VPS13B: variants seen among roughly 807,000 people sequenced by gnomAD.
VPS13B encodes the protein vacuolar protein sorting 13 homolog B.
In VPS13B, 285 loss-of-function variants were observed where a neutral mutation model predicts 426.4. That is an observed-to-expected ratio of 0.67 (90% confidence interval 0.61 to 0.74). The LOEUF (loss-of-function observed/expected upper bound fraction) is 0.74. Among genes scored for constraint, VPS13B ranks in the 30% least tolerant of loss-of-function variants. The pLI, the probability that VPS13B is intolerant of heterozygous loss-of-function variation, is 0.00. For synonymous variants in VPS13B, 1,676 were observed against 1,676.4 expected, an observed-to-expected ratio of 1.00 and a Z score of 0.01; for missense variants, 4,537 against 4,782.6, an observed-to-expected ratio of 0.95 and a Z score of 1.51.
At chr8:99,464,635 A>G (rs1047596215) in intron 23 of VPS13B, among the ~76,000 whole-genome samples, 2 of 152,186 alleles carry the variant, frequency 1.3e-5, no homozygotes, top group African/African-American at 4.8e-5. Context: ...GATACAATAT[A>G]AAGAAATCCC....
rs1563560582 is a variant in VPS13B, at chr8:99,135,122, G to A, written c.1410G>A (p.Met470Ile). The A allele has an allele frequency of 6.2e-7, 1 of 1,613,342 alleles. No homozygotes were observed. Among genetic ancestry groups the A allele is most frequent in the East Asian group, 2.2e-5 (1 of 44,830 alleles). ...GTGTTAAAGATTTTGAAGAGAATAT[G>A]AATAGAAGTGAAACTGTAAGTCCGT... ...IMGVKDFEEN[M>I]NRSETEACFF... Residue 470 changes from methionine to isoleucine, a missense_variant, in exon 10 of 62, where the codon ATG becomes ATA. Met to Ile is a conservative substitution (Grantham distance 10). Transcript: ENST00000357162.
chr8:99,543,773 A>T (rs949906245), intron 30 of VPS13B, among the ~76,000 whole-genome samples: 3 of 151,830 alleles, frequency 2.0e-5, no homozygotes, highest in Non-Finnish European at 4.4e-5. Flanking sequence ...ATACCATCTC[A>T]CACTAGTTAG....
intron 33 of VPS13B, among the ~76,000 whole-genome samples, chr8:99,617,886 C>G (rs1445801196): frequency 6.6e-6 from 1 of 152,188 alleles, no homozygotes; most frequent in Non-Finnish European, 1.5e-5. Context: ...TGTCCATTCC[C>G]TGTCCACTCC....
At chr8:99,242,428 T>C (rs191941973) in intron 17 of VPS13B, among the ~76,000 whole-genome samples, 4 of 152,382 alleles carry the variant, frequency 2.6e-5, no homozygotes, top group Admixed American at 6.5e-5. Context: ...AGAATGGTTA[T>C]ATTTGTTTTT....
chr8:99,724,891 A>C (rs1238939360), intron 39 of VPS13B, among the ~76,000 whole-genome samples: 1 of 152,294 alleles, frequency 6.6e-6, no homozygotes, highest in East Asian at 1.9e-4. Flanking sequence ...AGCCCGGCAT[A>C]AACTGCCCCC....
chr8:99,471,834 A>C (rs562018684), intron 24 of VPS13B, among the ~76,000 whole-genome samples: 1 of 152,238 alleles, frequency 6.6e-6, no homozygotes, highest in African/African-American at 2.4e-5. Context: ...AGCCTAGAGT[A>C]TTTACTCTCT....
Position 99,870,858 on chromosome 8 carries a change from G to C in VPS13B, c.11466G>C (p.Gln3822His). ...AGCCAAGTGATCTACATGCTGACCA[G>C]GCTCCAAACAGCCATGTCAAATATG... Reference protein sequence around the residue: ...RHQPSDLHADQAPNSHVKYVW... With the variant: ...RHQPSDLHADHAPNSHVKYVW... Residue 3822 changes from glutamine to histidine, a missense_variant, in exon 60 of 62, where the codon CAG (glutamine) becomes CAC (histidine). Transcript: ENST00000357162. The C allele has an allele frequency of 8.1e-6, 13 of 1,614,168 alleles. No individual in the cohort carries two copies. The highest frequency in any genetic ancestry group is 1.1e-5 in the Non-Finnish European group (13 of 1,180,020).
intron 21 of VPS13B, among the ~76,000 whole-genome samples, chr8:99,393,826 C>G (rs1050078761): frequency 6.6e-6 from 1 of 152,002 alleles, no homozygotes; most frequent in Admixed American, 6.6e-5. Context: ...TAAACATTTT[C>G]TTTACCTAGA....
chr8:99,575,157 C>T (rs978765361), intron 31 of VPS13B, among the ~76,000 whole-genome samples: 3 of 151,908 alleles, frequency 2.0e-5, no homozygotes, highest in East Asian at 3.9e-4. Flanking sequence ...CAGAGCAAGA[C>T]CTTGTCTTAA....
rs1031557254 is a variant in VPS13B at position 99,304,022 on chromosome 8, A to G, written c.2824+28768A>G. ...AGATTTTATAGTATAGTGGTTAAAA[A>G]TATGGGCTTTATAAGCAGACTGATT... On this transcript the variant is annotated intron_variant, in intron 19 of 61. Transcript: ENST00000357162. Among the ~76,000 whole-genome samples, 7 of 152,184 alleles carry G rather than the reference A, an allele frequency of 4.6e-5. No individual in the cohort carries two copies. The East Asian group carries it at 1.3e-3, about 29-fold the overall frequency.
chr8:99,604,434 C>T (rs1178623510), intron 33 of VPS13B, among the ~76,000 whole-genome samples: 1 of 150,946 alleles, frequency 6.6e-6, no homozygotes, highest in Non-Finnish European at 1.5e-5. Context: ...TACCACATTA[C>T]GTTTGGTTAT....
intron 16 of VPS13B, among the ~76,000 whole-genome samples, chr8:99,176,453 A>G (rs1430052075): frequency 6.6e-6 from 1 of 152,134 alleles, no homozygotes; most frequent in Non-Finnish European, 1.5e-5. Flanking sequence ...ACCTTGAATA[A>G]CACCACAGGG....
At chr8:99,835,950 AG>A (rs1371577922) in intron 54 of VPS13B, among the ~76,000 whole-genome samples, 1 of 152,236 alleles carries the variant, frequency 6.6e-6, no homozygotes, top group African/African-American at 2.4e-5. Context: ...ATCATTGACT[AG>A]AGAGGAGCAC....
chr8:99,478,427 G>A (rs1296470480), intron 24 of VPS13B, among the ~76,000 whole-genome samples: 1 of 132,648 alleles, frequency 7.5e-6, no homozygotes, highest in East Asian at 2.3e-4. Context: ...TTTTTTTTGA[G>A]ACAGTTGTTT....
intron 35 of VPS13B, among the ~76,000 whole-genome samples, chr8:99,662,279 C>A (rs1230817533): frequency 6.6e-6 from 1 of 151,984 alleles, no homozygotes; most frequent in Admixed American, 6.6e-5. Flanking sequence ...CATGTTCTTC[C>A]CCCTCTTCTG....
At chr8:99,215,627 G>GA (rs1300746559) in intron 17 of VPS13B, among the ~76,000 whole-genome samples, 5 of 152,144 alleles carry the variant, frequency 3.3e-5, no homozygotes, top group Non-Finnish European at 7.3e-5. Context: ...AGGTATGCTT[G>GA]AGTATTGAGT....
In VPS13B at chr8:99,436,077, TTA is replaced by T. The variant is rs1192088180; in HGVS notation, c.3210+4415_3210+4416del. 6.6e-5 allele frequency among the ~76,000 whole-genome samples: 10 copies of T among 152,190 alleles called. No individual in the cohort carries two copies. The East Asian group carries it at 1.7e-3, about 26-fold the overall frequency. On this transcript the variant is annotated intron_variant, in intron 22 of 61. Coordinates refer to ENST00000357162, the MANE Select transcript of VPS13B (RefSeq NM_152564.5). The stretch of plus-strand genomic sequence containing the variant: ...GAAGAGAGAATGTCCTTGAAGAAAA[TTA>T]TGTTAGTGATCAGAAATGGAGGAGG...
chr8:99,256,473 A>C (rs1817747738), intron 17 of VPS13B, among the ~76,000 whole-genome samples: 1 of 152,138 alleles, frequency 6.6e-6, no homozygotes, highest in African/African-American at 2.4e-5. Context: ...GAATCGCGAT[A>C]CTGTTTTCCA....
chr8:99,130,553 A>G (rs1018685264), intron 8 of VPS13B, among the ~76,000 whole-genome samples: 4 of 151,810 alleles, frequency 2.6e-5, no homozygotes, highest in Non-Finnish European at 5.9e-5. Flanking sequence ...ATGCCCGGCT[A>G]ATTTTTTGTA....
Sources: allele counts gnomAD v4.1 joint callset (sites outside exome capture counted in the v4.1 genomes callset), GRCh38; gene constraint gnomAD v4.1.1; transcripts MANE v1.5; gene names NCBI Gene and HGNC (gene_info 2026-07-23, HGNC 2026-07-21).